Variants in GEN1 observed in about 807,000 individuals in gnomAD.
GEN1 encodes GEN1 structure-specific endonuclease, also known as flap endonuclease GEN homolog 1.
A neutral mutation model predicts 67.6 loss-of-function variants in GEN1; 64 were observed. That is an observed-to-expected ratio of 0.95 (90% CI 0.77 to 1.17). The LOEUF is 1.17. Among genes scored for constraint, GEN1 ranks in the 50% most tolerant of loss-of-function variants. The probability of loss-of-function intolerance (pLI) is 0.00; values close to 1 mark genes in which losing one functional copy is unlikely to be tolerated. For synonymous variants in GEN1, 371 were observed against 359.4 expected (o/e 1.03, Z -0.37); for missense variants, 1,058 against 1,048.3 (o/e 1.01, Z -0.13).
At chr2:17,779,657 A>G (rs1403392986) in intron 12 of GEN1, among the ~76,000 whole-genome samples, 2 of 151,254 alleles carry the variant, frequency 1.3e-5, no homozygotes, top group African/African-American at 4.9e-5. Flanking sequence ...GCTGGAGTGT[A>G]GTGGTGCGAT....
chr2:17,769,110 G>T (rs373218003), intron 6 of GEN1, among the ~76,000 whole-genome samples: 1 of 151,934 alleles, frequency 6.6e-6, no homozygotes, highest in African/African-American at 2.4e-5. Context: ...ATCTCAACCT[G>T]CCGGAGTCAA....
In GEN1 at chr2:17,760,056, C is replaced by G. The variant is rs1284918226; in HGVS notation, c.113C>G (p.Ala38Gly). Reference protein sequence around the residue: ...AVDLSLWVCEAQTVKKMMGSV... With the variant: ...AVDLSLWVCEGQTVKKMMGSV... Reference sequence around the variant, plus strand: ...GATCTGAGTCTCTGGGTGTGTGAGGCACAGACAGTCAAAAAAATGATGGGC... The same window carrying G: ...GATCTGAGTCTCTGGGTGTGTGAGGGACAGACAGTCAAAAAAATGATGGGC... The change falls in exon 2 of 14, where the codon GCA becomes GGA. Residue 38 changes from alanine (A) to glycine (G), a missense_variant. Physicochemically the swap from Ala to Gly is moderately conservative, Grantham distance 60 (BLOSUM62 0). Transcript: ENST00000381254. 1.7e-5 allele frequency: 27 copies of G among 1,613,752 alleles called. No individual in the cohort carries two copies. Among genetic ancestry groups the G allele is most frequent in the Middle Eastern group, 3.3e-4 (2 of 6,080 alleles).
In GEN1 at chr2:17,787,035, AC is replaced by A. The variant is rs1673081541; in HGVS notation, c.*5098del. The A allele has an allele frequency of 1.3e-5, 2 of 152,276 alleles. No individual in the cohort carries two copies. Among genetic ancestry groups the A allele is most frequent in the South Asian group, 4.1e-4 (2 of 4,822 alleles). 9.4% of individuals were successfully genotyped at this position (152,276 alleles called of 1,614,324 possible). On this transcript the variant is annotated 3_prime_UTR_variant, in exon 14 of 14. Transcript: ENST00000381254. Reference sequence around the variant, plus strand: ...ATAGTCATGAACCTTGGCTCTAGCCACCTAAGACCATTTGTTATTCCCTGCA... The same window carrying A: ...ATAGTCATGAACCTTGGCTCTAGCCACTAAGACCATTTGTTATTCCCTGCA...
rs369082741 is a variant in GEN1 at position 17,780,095 on chromosome 2, T to C, written c.1382T>C (p.Leu461Ser). ...GTTGCTGTTTACCAAAAACAAAAGTTAGAAATTAAAGGGAAGAAACAAAAA... is the reference window on the plus strand; with the variant it reads ...GTTGCTGTTTACCAAAAACAAAAGTCAGAAATTAAAGGGAAGAAACAAAAA... Reference protein sequence around the residue: ...EIVAVYQKQKLEIKGKKQKRI... With the variant: ...EIVAVYQKQKSEIKGKKQKRI... Residue 461 changes from leucine (L) to serine (S), a missense_variant, in exon 13 of 14, where the codon TTA becomes TCA. Transcript: ENST00000381254. 5 of 1,612,774 alleles carry C rather than the reference T, an allele frequency of 3.1e-6. No homozygotes were observed. Among genetic ancestry groups the C allele is most frequent in the Non-Finnish European group, 3.4e-6 (4 of 1,179,526 alleles).
At chr2:17,766,772 G>T in intron 5 of GEN1, 83 bp downstream of exon 5, 1 of 662,252 alleles carries the variant, frequency 1.5e-6, no homozygotes, top group Non-Finnish European at 2.6e-6. Flanking sequence ...AATATAATAT[G>T]GCTATATGAT....
intron 5 of GEN1, 99 bp downstream of exon 5, chr2:17,766,788 A>G: frequency 1.7e-6 from 1 of 602,460 alleles, no homozygotes; most frequent in Non-Finnish European, 2.9e-6. Context: ...ATGATTAAAA[A>G]TCGAATTTAA....
intron 12 of GEN1, among the ~76,000 whole-genome samples, chr2:17,779,572 T>C (rs1672725285): frequency 6.6e-6 from 1 of 152,206 alleles, no homozygotes; most frequent in Non-Finnish European, 1.5e-5. Flanking sequence ...ATGATTTATT[T>C]TACCTGATAA....
At chr2:17,777,369 A>G (rs1185692075) in intron 11 of GEN1, among the ~76,000 whole-genome samples, 1 of 152,212 alleles carries the variant, frequency 6.6e-6, no homozygotes, top group African/African-American at 2.4e-5. Flanking sequence ...TATGCATTCA[A>G]ACACTTAAGA....
At chr2:17,756,016 A>G (rs1031768) in intron 1 of GEN1, among the ~76,000 whole-genome samples, 71,323 of 152,090 alleles carry the variant, frequency 0.47, 19,074 homozygotes, top group East Asian at 0.92. Context: ...ACCAAGCAAT[A>G]CTTTCTGAAA....
chr2:17,769,739 C>T (rs1027750083), intron 6 of GEN1, among the ~76,000 whole-genome samples: 2 of 152,000 alleles, frequency 1.3e-5, no homozygotes, highest in South Asian at 2.1e-4. Context: ...AGTTAACAAA[C>T]TATGCTATTT....
At chr2:17,760,722 C>A (rs1671636214) in intron 2 of GEN1, among the ~76,000 whole-genome samples, 1 of 151,952 alleles carries the variant, frequency 6.6e-6, no homozygotes, top group South Asian at 2.1e-4. Flanking sequence ...GAGTTTGAGA[C>A]CAGCCTGGCC....
chr2:17,779,833 G>A (rs2125174066), intron 12 of GEN1, 145 bp from the exon 13 acceptor site: 1 of 532,446 alleles, frequency 1.9e-6, no homozygotes, highest in East Asian at 3.4e-5. Flanking sequence ...TGTTGGTCAG[G>A]CTGGTCTCGA....
At chr2:17,778,202 A>ATATGTATACACACACATATATG in intron 12 of GEN1, 139 bp downstream of exon 12, 5 of 223,984 alleles carry the variant, frequency 2.2e-5, no homozygotes, top group Admixed American at 1.4e-4. Context: ...ACACACATAT[A>ATATGTATACACACACATATATG]TGTGTATATA....
chr2:17,768,853 T>G (rs1672052771), intron 6 of GEN1, 42 bp downstream of exon 6: 1 of 1,270,376 alleles, frequency 7.9e-7, no homozygotes, highest in African/African-American at 1.5e-5. Flanking sequence ...GAACCTTTAT[T>G]CTTGCTGAAC....
intron 6 of GEN1, among the ~76,000 whole-genome samples, chr2:17,769,910 G>GA (rs1672107400): frequency 2.0e-5 from 3 of 151,884 alleles, no homozygotes; most frequent in African/African-American, 4.8e-5. Context: ...GCAAGTGCCT[G>GA]AAAAAAATGT....
rs910657100 is a variant in GEN1, at chr2:17,785,051, A to G, written c.*3112A>G. Reference sequence around the variant, plus strand: ...AGAGTCTCATAGGAGCATGAACCCTATTGTGAACTACGCATGCGAGGATCT... The same window carrying G: ...AGAGTCTCATAGGAGCATGAACCCTGTTGTGAACTACGCATGCGAGGATCT... On this transcript the variant is annotated 3_prime_UTR_variant, in exon 14 of 14. Coordinates refer to ENST00000381254, the MANE Select transcript of GEN1 (RefSeq NM_001130009.3). 3 of 152,142 alleles carry G rather than the reference A, an allele frequency of 2.0e-5. No homozygotes were observed. The highest frequency in any genetic ancestry group is 4.8e-5 in the African/African-American group (2 of 41,406). The allele number at this position is 152,142 out of a possible 1,614,324, so 9.4% of individuals were successfully genotyped here. A position where few individuals can be genotyped will look rare whatever the true frequency, so the allele number is the denominator to read the frequency against.
intron 11 of GEN1, 35 bp downstream of exon 11, chr2:17,774,436 T>C (rs1572411092): frequency 1.3e-6 from 2 of 1,518,062 alleles, no homozygotes; most frequent in African/African-American, 1.4e-5. Context: ...AGGTGGTGTT[T>C]TTACTTGAGT....
At position 17,760,083 on chromosome 2, in the gene GEN1, G is replaced by T; in HGVS notation, c.140G>T (p.Ser47Ile). ...EAQTVKKMMG[S>I]VMKPHLRNLF... ...CAGACAGTCAAAAAAATGATGGGCA[G>T]CGTCATGAAGCCCCACCTCAGGTAT... Residue 47 changes from serine (S) to isoleucine (I), a missense_variant, in exon 2 of 14, where the codon AGC becomes ATC. Coordinates refer to ENST00000381254, the MANE Select transcript of GEN1 (RefSeq NM_001130009.3). 6.2e-7 allele frequency: 1 copy of T among 1,614,006 alleles called. No individual in the cohort carries two copies. The highest frequency in any genetic ancestry group is 8.5e-7 in the Non-Finnish European group (1 of 1,179,918).
At chr2:17,765,472 C>G (rs1272666293) in intron 4 of GEN1, among the ~76,000 whole-genome samples, 2 of 152,146 alleles carry the variant, frequency 1.3e-5, no homozygotes, top group Admixed American at 6.5e-5. Flanking sequence ...GGCAAGCAGC[C>G]CGAGTGCTCA....
Sources: allele counts gnomAD v4.1 joint callset (sites outside exome capture counted in the v4.1 genomes callset), GRCh38; gene constraint gnomAD v4.1.1; transcripts MANE v1.5; gene names NCBI Gene and HGNC (gene_info 2026-07-23, HGNC 2026-07-21).